The following RASA2 variants were observed in gnomAD, a reference collection of about 807,000 sequenced individuals.
RASA2 encodes the protein RAS p21 protein activator 2.
In RASA2, 155 loss-of-function variants were observed where a neutral mutation model predicts 118.2. The observed-to-expected ratio is 1.31, with a 90% CI of 1.15 to 1.50. The LOEUF (loss-of-function observed/expected upper bound fraction) is 1.50, where lower values mean the gene tolerates loss of function less well. Among genes scored for constraint, RASA2 ranks in the 40% most tolerant of loss-of-function variants. The pLI, the probability that RASA2 is intolerant of heterozygous loss-of-function variation, is 0.00. For synonymous variants in RASA2, 353 were observed against 349.1 expected (o/e 1.01, Z -0.12); for missense variants, 1,016 against 1,009.6 (o/e 1.01, Z -0.09).
chr3:141,552,692 C>G (rs1342140409), intron 5 of RASA2, among the ~76,000 whole-genome samples: 2 of 152,048 alleles, frequency 1.3e-5, no homozygotes, highest in Admixed American at 6.6e-5. Context: ...TGGCTAGTTT[C>G]AAAATTTCTT....
intron 19 of RASA2, chr3:141,600,443 T>C: frequency 2.4e-6 from 1 of 416,086 alleles, no homozygotes; most frequent in Non-Finnish European, 4.9e-6. Context: ...CACATTCTAA[T>C]AAGGAGCAGG....
At chr3:141,592,420 GA>G (rs1460035522) in intron 19 of RASA2, among the ~76,000 whole-genome samples, 1 of 152,188 alleles carries the variant, frequency 6.6e-6, no homozygotes, top group Non-Finnish European at 1.5e-5. Flanking sequence ...AGATCAAAAA[GA>G]TCATAGAAGT....
intron 3 of RASA2, among the ~76,000 whole-genome samples, chr3:141,518,482 C>CAAAAAAAAAAAAAAAAAAAAAAAAA (rs777543417): frequency 3.7e-5 from 1 of 27,032 alleles, no homozygotes; most frequent in Non-Finnish European, 6.8e-5. Flanking sequence ...GACACCATCT[C>CAAAAAAAAAAAAAAAAAAAAAAAAA]AAAAAAAAAA....
At chr3:141,555,612 T>C (rs928349361) in intron 6 of RASA2, among the ~76,000 whole-genome samples, 4 of 151,398 alleles carry the variant, frequency 2.6e-5, no homozygotes, top group African/African-American at 9.7e-5. Flanking sequence ...AGTGTGTCCG[T>C]AGAGAGAATA....
chr3:141,550,925 C>T (rs759522645), intron 5 of RASA2, among the ~76,000 whole-genome samples: 8 of 152,162 alleles, frequency 5.3e-5, no homozygotes, highest in African/African-American at 1.7e-4. Flanking sequence ...TGTTTAATTC[C>T]GCTCAGTATG....
intron 15 of RASA2, among the ~76,000 whole-genome samples, chr3:141,580,077 AAAAAAAAAATATAT>A (rs1560047285): frequency 1.7e-4 from 19 of 110,270 alleles, no homozygotes; most frequent in East Asian, 1.1e-3. Context: ...AAGAAAAAAA[AAAAAAAAAATATAT>A]ATATATATAT....
At chr3:141,610,972 C>T (rs1459007500) in intron 23 of RASA2, among the ~76,000 whole-genome samples, 1 of 152,078 alleles carries the variant, frequency 6.6e-6, no homozygotes, top group African/African-American at 2.4e-5. Context: ...ATTTTTTGGA[C>T]CACTTCAGGT....
intron 5 of RASA2, among the ~76,000 whole-genome samples, chr3:141,551,038 CTTCT>C (rs1383463823): frequency 1.3e-5 from 2 of 152,082 alleles, no homozygotes; most frequent in African/African-American, 4.8e-5. Flanking sequence ...CTAGTTCTGT[CTTCT>C]TTGTCATTTC....
chr3:141,504,927 T>C (rs1472831691), intron 1 of RASA2, among the ~76,000 whole-genome samples: 1 of 152,130 alleles, frequency 6.6e-6, no homozygotes, highest in East Asian at 1.9e-4. Context: ...CCTTTGCACA[T>C]TTTATTCTTT....
chr3:141,490,827 T>C (rs1256503082), intron 1 of RASA2, among the ~76,000 whole-genome samples: 2 of 152,208 alleles, frequency 1.3e-5, no homozygotes, highest in Admixed American at 6.5e-5. Context: ...CATATTCTCA[T>C]ATATAAAATG....
At chr3:141,595,965 G>A (rs2083359583) in intron 19 of RASA2, among the ~76,000 whole-genome samples, 1 of 152,218 alleles carries the variant, frequency 6.6e-6, no homozygotes, top group African/African-American at 2.4e-5. Context: ...TGTTAGAGGA[G>A]CTGAGCACAA....
At chr3:141,581,879 T>C (rs2083119700) in intron 17 of RASA2, among the ~76,000 whole-genome samples, 1 of 152,234 alleles carries the variant, frequency 6.6e-6, no homozygotes. Context: ...ATCTTTAATT[T>C]CTTGAGTCTT....
chr3:141,598,465 A>T (rs906133723), intron 19 of RASA2, among the ~76,000 whole-genome samples: 3 of 152,236 alleles, frequency 2.0e-5, no homozygotes, highest in Admixed American at 2.0e-4. Context: ...CCTAAATCTG[A>T]TCAAAAGTGT....
At chr3:141,598,882 C>A (rs2083416838) in intron 19 of RASA2, among the ~76,000 whole-genome samples, 1 of 151,992 alleles carries the variant, frequency 6.6e-6, no homozygotes, top group South Asian at 2.1e-4. Flanking sequence ...GTCAGGAGTT[C>A]AAGACCAGCC....
At position 141,612,461 on chromosome 3, in the gene RASA2, AAATT is replaced by A; in HGVS notation, c.*153_*156del. The A allele has an allele frequency of 1.6e-6, 1 of 615,400 alleles. No homozygotes were observed. The highest frequency in any genetic ancestry group is 3.2e-5 in the East Asian group (1 of 31,034). 38.1% of individuals were successfully genotyped at this position (615,400 alleles called of 1,614,324 possible). A position where few individuals can be genotyped will look rare whatever the true frequency, so the allele number is the denominator to read the frequency against. ...CATTGTATTTAATATTTAATAATTG[AAATT>A]AATTGTTTGGGAATCCTGGTATTGA... On this transcript the variant is annotated 3_prime_UTR_variant, in exon 24 of 24. Coordinates refer to ENST00000286364, the MANE Select transcript of RASA2 (RefSeq NM_006506.5).
intron 4 of RASA2, among the ~76,000 whole-genome samples, chr3:141,538,497 T>C (rs2082360825): frequency 6.6e-6 from 1 of 152,178 alleles, no homozygotes; most frequent in Non-Finnish European, 1.5e-5. Flanking sequence ...TATATGTTTT[T>C]TATTTTTATA....
intron 1 of RASA2, among the ~76,000 whole-genome samples, chr3:141,504,516 A>T (rs966569940): frequency 1.3e-5 from 2 of 152,114 alleles, no homozygotes; most frequent in African/African-American, 4.8e-5. Context: ...ACCCTGCAGT[A>T]AATCCTGTTG....
Position 141,607,687 on chromosome 3 carries a change from CA to C in RASA2, c.1945del (p.Ile649SerfsTer6). 6.4e-7 allele frequency: 1 copy of C among 1,566,738 alleles called. No individual in the cohort carries two copies. The highest frequency in any genetic ancestry group is 8.6e-7 in the Non-Finnish European group (1 of 1,162,310). ...TTTTTTTATTATTTAGGCAAAGATGCAATCTACACAATCCCAGTAAAAAACA... is the reference window on the plus strand; with the variant it reads ...TTTTTTTATTATTTAGGCAAAGATGCATCTACACAATCCCAGTAAAAAACA... ...LTYHKQPGKDAIYTIPVKNIL... is the reference protein window; with the variant it reads ...LTYHKQPGKDXIYTIPVKNIL... On this transcript the variant is annotated frameshift_variant, in exon 20 of 24. Transcript: ENST00000286364. LOFTEE classifies it high-confidence loss of function.
At chr3:141,598,132 C>T (rs1300606735) in intron 19 of RASA2, among the ~76,000 whole-genome samples, 3 of 152,204 alleles carry the variant, frequency 2.0e-5, no homozygotes, top group South Asian at 2.1e-4. Context: ...GAAGAAATAA[C>T]GTCAACCTTA....
Sources: gnomAD v4.1 joint callset for allele counts (sites outside exome capture counted in the v4.1 genomes callset) on GRCh38, gnomAD v4.1.1 for gene constraint, MANE v1.5 for transcripts, NCBI Gene and HGNC (gene_info 2026-07-23, HGNC 2026-07-21) for gene names.